Variants in MTUS2 observed in about 807,000 individuals in gnomAD.
MTUS2 encodes microtubule associated scaffold protein 2.
A neutral mutation model predicts 114.1 loss-of-function variants in MTUS2; 40 were observed. That is an observed-to-expected ratio of 0.35 (90% CI 0.27 to 0.46). The LOEUF (loss-of-function observed/expected upper bound fraction) is 0.46, where lower values mean the gene tolerates loss of function less well. Among genes scored for constraint, MTUS2 ranks in the 20% least tolerant of loss-of-function variants. The probability of loss-of-function intolerance (pLI) is 1.00; values close to 1 mark genes in which losing one functional copy is unlikely to be tolerated. For synonymous variants in MTUS2, 688 were observed against 672.0 expected, an observed-to-expected ratio of 1.02 and a Z score of -0.37; for missense variants, 1,679 against 1,705.4, an observed-to-expected ratio of 0.98 and a Z score of 0.27.
intron 2 of MTUS2, among the ~76,000 whole-genome samples, chr13:29,010,764 T>G (rs889576651): frequency 6.6e-5 from 10 of 152,192 alleles, no homozygotes; most frequent in Non-Finnish European, 1.5e-4. Context: ...CCATCAGAAC[T>G]GTCCTCACAC....
At chr13:28,944,839 T>G (rs983584171) in intron 2 of MTUS2, among the ~76,000 whole-genome samples, 3 of 152,142 alleles carry the variant, frequency 2.0e-5, no homozygotes, top group African/African-American at 7.2e-5. Flanking sequence ...TTATAACAAA[T>G]TTGTATTAAG....
intron 5 of MTUS2, among the ~76,000 whole-genome samples, chr13:29,245,170 G>A (rs545986113): frequency 1.3e-5 from 2 of 152,188 alleles, no homozygotes; most frequent in Admixed American, 6.5e-5. Context: ...AGTGAGATAA[G>A]GAGAGGTAGA....
intron 3 of MTUS2, among the ~76,000 whole-genome samples, chr13:29,033,255 G>A (rs202142103): frequency 6.6e-6 from 1 of 152,150 alleles, no homozygotes; most frequent in Non-Finnish European, 1.5e-5. Context: ...TGGGAGCATC[G>A]CCTCACTCGA....
intron 2 of MTUS2, among the ~76,000 whole-genome samples, chr13:28,899,065 A>G (rs1234242186): frequency 1.3e-5 from 2 of 152,228 alleles, no homozygotes; most frequent in Non-Finnish European, 2.9e-5. Flanking sequence ...TTCTTCAGGC[A>G]ATAAATACAT....
chr13:28,907,807 G>T (rs2137993894), intron 2 of MTUS2, among the ~76,000 whole-genome samples: 1 of 151,662 alleles, frequency 6.6e-6, no homozygotes, highest in African/African-American at 2.4e-5. Context: ...AATAATGGGA[G>T]ACTTTAACAC....
Position 29,324,624 on chromosome 13 carries a change from G to C in MTUS2, c.2818G>C (p.Asp940His), listed in dbSNP as rs1348485857. 6.3e-7 allele frequency: 1 copy of C among 1,581,992 alleles called. No homozygotes were observed. Among genetic ancestry groups the C allele is most frequent in the Admixed American group, 1.8e-5 (1 of 54,984 alleles). ...STSTPAGTKK[D>H]AQKDQDTNKP... Reference sequence around the variant, plus strand: ...CCAACTATACACAGGAACAAAGAAAGATGCTCAGAAAGATCAAGATACGAA... The same window carrying C: ...CCAACTATACACAGGAACAAAGAAACATGCTCAGAAAGATCAAGATACGAA... Residue 940 changes from aspartate to histidine, a missense_variant, in exon 7 of 16, where the codon GAT (aspartate) becomes CAT (histidine). By Grantham distance (81) the Asp-to-His change is moderately conservative. Transcript: ENST00000612955.
chr13:29,080,313 A>T (rs1219436349), intron 4 of MTUS2, among the ~76,000 whole-genome samples: 3 of 152,192 alleles, frequency 2.0e-5, no homozygotes, highest in Admixed American at 6.5e-5. Context: ...AAAAAACCCC[A>T]AACTACTCTA....
chr13:28,991,851 G>C (rs1362862768), intron 2 of MTUS2, among the ~76,000 whole-genome samples: 21 of 152,128 alleles, frequency 1.4e-4, no homozygotes, highest in Admixed American at 1.3e-3. Context: ...CTGTGTCTCA[G>C]GTCCACAGCA....
At chr13:28,944,729 C>T (rs1882427353) in intron 2 of MTUS2, among the ~76,000 whole-genome samples, 1 of 152,172 alleles carries the variant, frequency 6.6e-6, no homozygotes, top group African/African-American at 2.4e-5. Flanking sequence ...GTGGTCTGAA[C>T]AGGCTAAATC....
intron 6 of MTUS2, among the ~76,000 whole-genome samples, chr13:29,297,224 G>T (rs1369577965): frequency 6.6e-6 from 1 of 151,998 alleles, no homozygotes; most frequent in African/African-American, 2.4e-5. Flanking sequence ...AATGTCCTTG[G>T]CATCTTTGTC....
At chr13:29,046,845 C>T (rs1566322630) in intron 4 of MTUS2, among the ~76,000 whole-genome samples, 1 of 152,092 alleles carries the variant, frequency 6.6e-6, no homozygotes, top group Non-Finnish European at 1.5e-5. Context: ...GACTAACTTT[C>T]TACAGACACC....
intron 5 of MTUS2, among the ~76,000 whole-genome samples, chr13:29,223,376 T>C (rs1030690218): frequency 2.0e-5 from 3 of 152,024 alleles, no homozygotes; most frequent in African/African-American, 7.2e-5. Context: ...ACTGAACAGA[T>C]GATGGATGCC....
At chr13:29,178,970 A>G (rs1016261093) in intron 5 of MTUS2, among the ~76,000 whole-genome samples, 1 of 152,214 alleles carries the variant, frequency 6.6e-6, no homozygotes, top group Non-Finnish European at 1.5e-5. Flanking sequence ...GTGCAGTGAT[A>G]TGTGAACTCT....
rs2138509195 is a variant in MTUS2 at position 29,031,135 on chromosome 13, A to C, written c.2206-2750A>C. Among the ~76,000 whole-genome samples the C allele has an allele frequency of 2.0e-5, 3 of 152,106 alleles. No individual in the cohort carries two copies. In the Middle Eastern group the frequency reaches 0.01, roughly 517 times the overall value. On this transcript the variant is annotated intron_variant, in intron 3 of 15. Transcript: ENST00000612955. ...GTGAGGCGATGTGCGTGCAGTGTACAGAGGTGTGATCCAGGGCTGCTCTCC... is the reference window on the plus strand; with the variant it reads ...GTGAGGCGATGTGCGTGCAGTGTACCGAGGTGTGATCCAGGGCTGCTCTCC...
chr13:28,876,159 G>A (rs1305022683), intron 2 of MTUS2, among the ~76,000 whole-genome samples: 1 of 152,148 alleles, frequency 6.6e-6, no homozygotes, highest in East Asian at 1.9e-4. Context: ...ATTTCCTTAT[G>A]GATTCCCAGT....
chr13:29,010,714 C>T (rs1443556339), intron 2 of MTUS2, among the ~76,000 whole-genome samples: 1 of 152,124 alleles, frequency 6.6e-6, no homozygotes, highest in Admixed American at 6.5e-5. Flanking sequence ...CCATTGAGAG[C>T]TGAAAACTGT....
At chr13:29,054,104 A>C (rs1888022152) in intron 4 of MTUS2, among the ~76,000 whole-genome samples, 2 of 152,228 alleles carry the variant, frequency 1.3e-5, no homozygotes. Context: ...AATATTAGCC[A>C]GTCCAGTGGG....
At chr13:29,240,784 T>C (rs940683929) in intron 5 of MTUS2, among the ~76,000 whole-genome samples, 2 of 152,018 alleles carry the variant, frequency 1.3e-5, no homozygotes, top group East Asian at 3.8e-4. Flanking sequence ...ATGATTTTAT[T>C]TATGAAGAGT....
intron 5 of MTUS2, among the ~76,000 whole-genome samples, chr13:29,281,033 A>C (rs1211258399): frequency 6.6e-6 from 1 of 152,186 alleles, no homozygotes; most frequent in Non-Finnish European, 1.5e-5. Context: ...TTGACTAGTA[A>C]ACTGCAATTA....
Sources: gnomAD v4.1 joint callset for allele counts (sites outside exome capture counted in the v4.1 genomes callset) on GRCh38, gnomAD v4.1.1 for gene constraint, MANE v1.5 for transcripts, NCBI Gene and HGNC (gene_info 2026-07-23, HGNC 2026-07-21) for gene names.